MACROD1: variants seen among roughly 807,000 people sequenced by gnomAD.
The protein encoded by MACROD1 is ADP-ribose glycohydrolase MACROD1.
Under a neutral mutation model 41.4 loss-of-function variants are expected in MACROD1, and 31 were observed. The observed-to-expected ratio is 0.75, with a 90% CI of 0.56 to 1.01. The LOEUF is 1.01. MACROD1 is among the 50% of genes least tolerant of loss of function. The probability of loss-of-function intolerance (pLI) is 0.00; values close to 1 mark genes in which losing one functional copy is unlikely to be tolerated. For synonymous variants in MACROD1, 252 were observed against 203.4 expected (o/e 1.24, Z -2.03); for missense variants, 473 against 460.0 (o/e 1.03, Z -0.26).
chr11:64,110,650 G>A (rs544804729), intron 3 of MACROD1, among the ~76,000 whole-genome samples: 2 of 152,088 alleles, frequency 1.3e-5, no homozygotes, highest in East Asian at 1.9e-4. Context: ...TGCTCCCTTC[G>A]CCCACCCCCG....
chr11:64,007,576 G>C (rs1158022286), intron 4 of MACROD1, among the ~76,000 whole-genome samples: 1 of 152,108 alleles, frequency 6.6e-6, no homozygotes, highest in East Asian at 1.9e-4. Flanking sequence ...GCGAGGAGTC[G>C]AGCAATTGGG....
At chr11:64,100,229 A>G (rs1412173189) in intron 3 of MACROD1, among the ~76,000 whole-genome samples, 1 of 152,192 alleles carries the variant, frequency 6.6e-6, no homozygotes, top group Non-Finnish European at 1.5e-5. Flanking sequence ...GCATATATGT[A>G]TGGGCAGATT....
At chr11:64,023,677 C>G (rs1053747071) in intron 3 of MACROD1, among the ~76,000 whole-genome samples, 17 of 152,220 alleles carry the variant, frequency 1.1e-4, no homozygotes, top group African/African-American at 4.1e-4. Flanking sequence ...TGGGTCTCCT[C>G]CTTCCCACTG....
intron 3 of MACROD1, among the ~76,000 whole-genome samples, chr11:64,024,824 C>T (rs1028914790): frequency 6.6e-6 from 1 of 152,092 alleles, no homozygotes; most frequent in African/African-American, 2.4e-5. Context: ...AGGTCAAGGC[C>T]CAGCCCCAGC....
chr11:64,121,949 A>C (rs1310393254), intron 3 of MACROD1, among the ~76,000 whole-genome samples: 1 of 150,414 alleles, frequency 6.6e-6, no homozygotes, highest in Non-Finnish European at 1.5e-5. Flanking sequence ...ATTACATGGC[A>C]ATTTTCCTTT....
At chr11:64,025,397 A>G (rs895289492) in intron 3 of MACROD1, among the ~76,000 whole-genome samples, 1 of 152,154 alleles carries the variant, frequency 6.6e-6, no homozygotes, top group Non-Finnish European at 1.5e-5. Flanking sequence ...GGCCTCCTAC[A>G]TAGGCGGCTC....
At chr11:64,112,715 T>TG (rs1291134005) in intron 3 of MACROD1, among the ~76,000 whole-genome samples, 1 of 152,092 alleles carries the variant, frequency 6.6e-6, no homozygotes, top group Admixed American at 6.6e-5. Context: ...GCACAGCACT[T>TG]GCAAGGGCCC....
At chr11:64,017,129 C>T (rs759533486) in intron 3 of MACROD1, among the ~76,000 whole-genome samples, 17 of 152,208 alleles carry the variant, frequency 1.1e-4, no homozygotes, top group Non-Finnish European at 2.1e-4. Context: ...GCCACCACAC[C>T]CGGCTAATTT....
intron 3 of MACROD1, among the ~76,000 whole-genome samples, chr11:64,051,899 G>C (rs539783714): frequency 6.6e-6 from 1 of 151,988 alleles, no homozygotes; most frequent in Non-Finnish European, 1.5e-5. Flanking sequence ...TTCCTCTCTC[G>C]GGGGCTGCAA....
intron 3 of MACROD1, among the ~76,000 whole-genome samples, chr11:64,017,628 G>T (rs1002217996): frequency 6.6e-6 from 1 of 152,124 alleles, no homozygotes; most frequent in Non-Finnish European, 1.5e-5. Context: ...ACCCCAGCAG[G>T]TCCAGCTGCA....
At chr11:64,147,383 T>TTTTC (rs750847342) in intron 3 of MACROD1, among the ~76,000 whole-genome samples, 188 of 148,332 alleles carry the variant, frequency 1.3e-3, no homozygotes, top group African/African-American at 4.5e-3. Flanking sequence ...CAGAGTCTGA[T>TTTTC]TTTCTTTCTT....
At chr11:64,065,108 T>C (rs1943972785) in intron 3 of MACROD1, among the ~76,000 whole-genome samples, 1 of 152,108 alleles carries the variant, frequency 6.6e-6, no homozygotes, top group Non-Finnish European at 1.5e-5. Context: ...CGGAGAGACT[T>C]CCCAGAGGAG....
In MACROD1 at chr11:63,999,520, C is replaced by T; in HGVS notation, c.817+10G>A. The T allele has an allele frequency of 6.2e-7, 1 of 1,606,008 alleles. No individual in the cohort carries two copies. Among genetic ancestry groups the T allele is most frequent in the Non-Finnish European group, 8.5e-7 (1 of 1,176,974 alleles). ...CCCACTCCTGGTCCTTGCCTTTCTT[C>T]CAGACTCACCAAACACGCCGGTGGA... On this transcript the variant is annotated intron_variant, in intron 7 of 10. Coordinates refer to ENST00000255681, the MANE Select transcript of MACROD1 (RefSeq NM_014067.4).
At chr11:64,164,279 C>A (rs189985038) in intron 1 of MACROD1, among the ~76,000 whole-genome samples, 162 of 152,364 alleles carry the variant, frequency 1.1e-3, no homozygotes, top group Non-Finnish European at 1.7e-3. Flanking sequence ...GACAACACAG[C>A]AGCCCAGGAA....
At chr11:64,049,909 C>T (rs745935990) in intron 3 of MACROD1, among the ~76,000 whole-genome samples, 6 of 152,238 alleles carry the variant, frequency 3.9e-5, no homozygotes, top group Non-Finnish European at 8.8e-5. Flanking sequence ...CAGACCAAGA[C>T]GCTGTGGCCC....
chr11:64,001,598 C>G (rs752429015), intron 4 of MACROD1: 52 of 701,908 alleles, frequency 7.4e-5, no homozygotes, highest in Non-Finnish European at 1.2e-4. Context: ...CAACTTTACT[C>G]AGAGCTGGCA....
At chr11:64,117,017 C>A (rs1451115814) in intron 3 of MACROD1, 1 of 1,612,618 alleles carries the variant, frequency 6.2e-7, no homozygotes, top group Admixed American at 1.7e-5. Context: ...TACAGAACCT[C>A]ACAGAGCTCT....
chr11:64,051,071 C>T lies in MACROD1; in HGVS notation c.518-35790G>A, dbSNP rs1017632035. Among the ~76,000 whole-genome samples, 6 of 152,344 alleles carry T rather than the reference C, an allele frequency of 3.9e-5. No individual in the cohort carries two copies. In the South Asian group the frequency reaches 6.2e-4, roughly 16 times the overall value. On this transcript the variant is annotated intron_variant, in intron 3 of 10. Transcript: ENST00000255681. ...TTGAGGCTCAAGTATTGTGCCCCAC[C>T]GATCTGGAGGAGAGATTCACTCCAT...
chr11:64,007,249 C>T (rs961083153), intron 4 of MACROD1, among the ~76,000 whole-genome samples: 1 of 152,106 alleles, frequency 6.6e-6, no homozygotes, highest in Non-Finnish European at 1.5e-5. Flanking sequence ...GTCCTGTGGC[C>T]GCAGCAGTTC....
Sources: gnomAD v4.1 joint callset for allele counts (sites outside exome capture counted in the v4.1 genomes callset) on GRCh38, gnomAD v4.1.1 for gene constraint, MANE v1.5 for transcripts, NCBI Gene and HGNC (gene_info 2026-07-23, HGNC 2026-07-21) for gene names.